The following MCM2 variants were observed in gnomAD, a reference collection of about 807,000 sequenced individuals.
MCM2 encodes minichromosome maintenance complex component 2.
MCM2 carries 49 observed loss-of-function variants against 86.4 expected under a neutral mutation model. The observed-to-expected ratio is 0.57, with a 90% confidence interval of 0.45 to 0.72. The LOEUF is 0.72. MCM2 is among the 30% of genes least tolerant of loss of function. The pLI is 0.00. For synonymous variants in MCM2, 475 were observed against 484.6 expected, an observed-to-expected ratio of 0.98 and a Z score of 0.26; for missense variants, 1,038 against 1,259.9, an observed-to-expected ratio of 0.82 and a Z score of 2.67.
At chr3:127,616,476 C>T (rs942530438) in intron 9 of MCM2, among the ~76,000 whole-genome samples, 3 of 152,108 alleles carry the variant, frequency 2.0e-5, no homozygotes, top group Admixed American at 6.5e-5. Context: ...TGTGCCTGTG[C>T]GCAGTGCATC....
In MCM2 at chr3:127,604,718, C is replaced by T. The variant is rs2074331617; in HGVS notation, c.347C>T (p.Ala116Val). 1 of 1,611,654 alleles carries T rather than the reference C, an allele frequency of 6.2e-7. No individual in the cohort carries two copies. Among genetic ancestry groups the T allele is most frequent in the South Asian group, 1.1e-5 (1 of 90,984 alleles). The change falls in exon 3 of 16, where the codon GCC (alanine) becomes GTC (valine). Residue 116 changes from alanine to valine, a missense_variant. Ala to Val is a moderately conservative substitution (Grantham distance 64). Around this residue, in one of 4 missense-constraint regions of MCM2, gnomAD observed 300 missense variants for 307.4 expected, o/e 0.98. Transcript: ENST00000265056. ...AGTCAGAGGGAGGCAGCAGAGCGGG[C>T]CATGCGGCAGCGTGACCGGGAGGCT... Reference protein sequence around the residue: ...TASQREAAERAMRQRDREAGR... With the variant: ...TASQREAAERVMRQRDREAGR...
chr3:127,598,840 C>T (rs1445777910), intron 1 of MCM2: 2 of 387,064 alleles, frequency 5.2e-6, no homozygotes, highest in Non-Finnish European at 9.2e-6. Context: ...AAACACTACA[C>T]TTACTTTTGT....
In MCM2 at chr3:127,599,442, G is replaced by T. The variant is rs572334760; in HGVS notation, c.131G>T (p.Arg44Leu). 1 of 1,614,190 alleles carries T rather than the reference G, an allele frequency of 6.2e-7. No homozygotes were observed. Among genetic ancestry groups the T allele is most frequent in the South Asian group, 1.1e-5 (1 of 91,086 alleles). Residue 44 changes from arginine (R) to leucine (L), a missense_variant, in exon 2 of 16, where the codon CGT (arginine) becomes CTT (leucine). Around this residue, in one of 4 missense-constraint regions of MCM2, gnomAD observed 300 missense variants for 307.4 expected, o/e 0.98. Transcript: ENST00000265056. ...RTDALTSSPG[R>L]DLPPFEDESE... ...GATGCCCTCACCTCCAGCCCTGGCC[G>T]TGACCTTCCACCATTTGAGGATGAG... is the stretch of plus-strand genomic sequence containing the variant.
intron 8 of MCM2, among the ~76,000 whole-genome samples, 174 bp downstream of exon 8, chr3:127,609,197 A>C (rs2074374607): frequency 6.6e-6 from 1 of 152,154 alleles, no homozygotes; most frequent in African/African-American, 2.4e-5. Context: ...GTAAACTCGC[A>C]TTGGGGATGG....
chr3:127,606,567 T>TCA lies in MCM2; in HGVS notation c.894-41_894-40dup. The TCA allele has an allele frequency of 6.4e-7, 1 of 1,563,968 alleles. No individual in the cohort carries two copies. The highest frequency in any genetic ancestry group is 8.8e-7 in the Non-Finnish European group (1 of 1,135,544). On this transcript the variant is annotated intron_variant, in intron 5 of 15. Coordinates refer to ENST00000265056, the MANE Select transcript of MCM2 (RefSeq NM_004526.4). This position sits in a 1 kb window ranked among gnomAD's most constrained non-coding sequence, Gnocchi z 4.2. ...GGACACTCTCGTCTGCAGCCTGGCC[T>TCA]CACCCTGGCTCACGGCTTCTGATGC...
In MCM2 at chr3:127,621,844, G is replaced by T; in HGVS notation, c.*71G>T. 8.6e-7 allele frequency: 1 copy of T among 1,163,340 alleles called. No individual in the cohort carries two copies. The allele number at this position is 1,163,340 out of a possible 1,614,324, so 72.1% of individuals were successfully genotyped here. A position where few individuals can be genotyped will look rare whatever the true frequency, so the allele number is the denominator to read the frequency against. On this transcript the variant is annotated 3_prime_UTR_variant, in exon 16 of 16. Transcript: ENST00000265056. The stretch of plus-strand genomic sequence containing the variant: ...TGGTCAGTGCCCTCTGTGCTTTATG[G>T]ACACAAAACCAGAGCACTTGATGAA...
chr3:127,608,526 C>T lies in MCM2; in HGVS notation c.1236+10C>T, dbSNP rs1432960367. 5.6e-6 allele frequency: 9 copies of T among 1,613,934 alleles called. No homozygotes were observed. The highest frequency in any genetic ancestry group is 1.1e-5 in the South Asian group (1 of 91,052). ...GCCAGGAGACGAGATAGTAAGTGGC[C>T]GGGGCAGGCTGGGAGGGAGCCAAGT... On this transcript the variant is annotated intron_variant, in intron 7 of 15. Transcript: ENST00000265056.
At position 127,608,664 on chromosome 3, in the gene MCM2, C is replaced by T. The variant is rs540460768; in HGVS notation, c.1236+148C>T. The T allele has an allele frequency of 3.1e-6, 4 of 1,278,432 alleles. No individual in the cohort carries two copies. The African/African-American group carries it at 5.9e-5, about 19-fold the overall frequency. 79.2% of individuals were successfully genotyped at this position (1,278,432 alleles called of 1,614,324 possible). A position where few individuals can be genotyped will look rare whatever the true frequency, so the allele number is the denominator to read the frequency against. On this transcript the variant is annotated intron_variant, in intron 7 of 15. Transcript: ENST00000265056. The stretch of plus-strand genomic sequence containing the variant: ...CATGGCTGAGGCAAAGAACTTTCTT[C>T]TGGTGGATGGGTTGTTGGAATGGTG...
At position 127,620,876 on chromosome 3, in the gene MCM2, G is replaced by T. The variant is rs779228557; in HGVS notation, c.2444G>T (p.Arg815Leu). Residue 815 changes from arginine (R) to leucine (L), a missense_variant, in exon 14 of 16, where the codon CGC (arginine) becomes CTC (leucine). By Grantham distance (102) the Arg-to-Leu change is moderately radical. Coordinates refer to ENST00000265056, the MANE Select transcript of MCM2 (RefSeq NM_004526.4). ...AAGTTCAGCGTCATGCGCAGCATGCGCAAGGTGGGTGTGCTCCGAGGTAGG... is the reference window on the plus strand; with the variant it reads ...AAGTTCAGCGTCATGCGCAGCATGCTCAAGGTGGGTGTGCTCCGAGGTAGG... ...TQKFSVMRSM[R>L]KTFARYLSFR... 6.2e-7 allele frequency: 1 copy of T among 1,603,144 alleles called. No individual in the cohort carries two copies. The highest frequency in any genetic ancestry group is 1.3e-5 in the African/African-American group (1 of 74,784).
Position 127,604,702 on chromosome 3 carries a change from G to A in MCM2, c.331G>A (p.Glu111Lys), listed in dbSNP as rs768147745. The A allele has an allele frequency of 6.2e-7, 1 of 1,612,426 alleles. No individual in the cohort carries two copies. Among genetic ancestry groups the A allele is most frequent in the East Asian group, 2.2e-5 (1 of 44,880 alleles). Reference protein sequence around the residue: ...DVEELTASQREAAERAMRQRD... With the variant: ...DVEELTASQRKAAERAMRQRD... ...AGAGGAGCTGACGGCCAGTCAGAGG[G>A]AGGCAGCAGAGCGGGCCATGCGGCA... Residue 111 changes from glutamate (E) to lysine (K), a missense_variant, in exon 3 of 16, where the codon GAG becomes AAG. Glu to Lys is a moderately conservative substitution (Grantham distance 56). Around this residue, in one of 4 missense-constraint regions of MCM2, gnomAD observed 300 missense variants for 307.4 expected, o/e 0.98. Coordinates refer to ENST00000265056, the MANE Select transcript of MCM2 (RefSeq NM_004526.4).
chr3:127,608,237 C>T (rs1172778154), intron 6 of MCM2, 145 bp from the exon 7 acceptor site: 6 of 978,382 alleles, frequency 6.1e-6, no homozygotes, highest in African/African-American at 1.6e-5. Context: ...TGTGCTGAGT[C>T]GCCATGAACT....
intron 3 of MCM2, 56 bp downstream of exon 3, chr3:127,604,839 A>G: frequency 6.4e-7 from 1 of 1,574,600 alleles, no homozygotes; most frequent in African/African-American, 1.3e-5. Context: ...GGAGTCTGGG[A>G]GGGGAGTAGA....
At chr3:127,602,262 C>T (rs370524610) in intron 2 of MCM2, among the ~76,000 whole-genome samples, 74 of 151,638 alleles carry the variant, frequency 4.9e-4, no homozygotes, top group African/African-American at 1.8e-3. Flanking sequence ...ACCTTTTCCC[C>T]GAAAACATGG....
rs1489427902 is a variant in MCM2, at chr3:127,611,816, A to G, written c.1428+2793A>G. Among the ~76,000 whole-genome samples, 10 of 136,842 alleles carry G rather than the reference A, an allele frequency of 7.3e-5. 1 individual carries two copies. The South Asian group carries it at 1.9e-3, about 26-fold the overall frequency. The allele number at this position is 136,842 out of a possible 152,430, so 89.8% of individuals were successfully genotyped here. Reference sequence around the variant, plus strand: ...CGGGTTCACGCCATTCTCCTGCCTCAGCCTCCCAAGTAGCTGGGACGACAG... The same window carrying G: ...CGGGTTCACGCCATTCTCCTGCCTCGGCCTCCCAAGTAGCTGGGACGACAG... On this transcript the variant is annotated intron_variant, in intron 8 of 15. Coordinates refer to ENST00000265056, the MANE Select transcript of MCM2 (RefSeq NM_004526.4).
intron 2 of MCM2, among the ~76,000 whole-genome samples, chr3:127,600,109 G>A (rs554443626): frequency 2.6e-5 from 4 of 152,248 alleles, no homozygotes; most frequent in East Asian, 1.9e-4. Flanking sequence ...GTGAAACCCC[G>A]TCTCTGCTAA....
In MCM2 at chr3:127,616,940, T is replaced by C. The variant is rs1388706641; in HGVS notation, c.1595T>C (p.Phe532Ser). 1 of 1,614,054 alleles carries C rather than the reference T, an allele frequency of 6.2e-7. No homozygotes were observed. Among genetic ancestry groups the C allele is most frequent in the African/African-American group, 1.3e-5 (1 of 74,942 alleles). Residue 532 changes from phenylalanine to serine, a missense_variant, in exon 10 of 16, where the codon TTT (phenylalanine) becomes TCT (serine). By Grantham distance (155) the Phe-to-Ser change is radical. Coordinates refer to ENST00000265056, the MANE Select transcript of MCM2 (RefSeq NM_004526.4). The part of the protein sequence containing the change: ...CGDPGTAKSQ[F>S]LKYIEKVSSR... The stretch of plus-strand genomic sequence containing the variant: ...GACCCTGGCACAGCGAAGTCGCAGT[T>C]TCTCAAGTATATTGAGAAAGTGTCC...
chr3:127,622,362 TC>T lies in MCM2; in HGVS notation c.*593del, dbSNP rs921510095. On this transcript the variant is annotated 3_prime_UTR_variant, in exon 16 of 16. Transcript: ENST00000265056. Reference sequence around the variant, plus strand: ...CAGCTGCCATTGCTCCCTGTCTGTTTCCCCACTCTCTTATTTGTGCATTCGG... The same window carrying T: ...CAGCTGCCATTGCTCCCTGTCTGTTTCCCACTCTCTTATTTGTGCATTCGG... 6.6e-6 allele frequency: 1 copy of T among 152,262 alleles called. No individual in the cohort carries two copies. Among genetic ancestry groups the T allele is most frequent in the African/African-American group, 2.4e-5 (1 of 41,454 alleles). 9.4% of individuals were successfully genotyped at this position (152,262 alleles called of 1,614,324 possible).
At position 127,605,149 on chromosome 3, in the gene MCM2, G is replaced by T; in HGVS notation, c.666G>T (p.Met222Ile). 1 of 1,612,568 alleles carries T rather than the reference G, an allele frequency of 6.2e-7. No homozygotes were observed. The highest frequency in any genetic ancestry group is 8.5e-7 in the Non-Finnish European group (1 of 1,178,644). The stretch of plus-strand genomic sequence containing the variant: ...TCTTCAAGGAGCGCATCAGCGACAT[G>T]TGCAAAGGTGTGGCTTCCCTACGCC... ...HNVFKERISD[M>I]CKENRESLVV... is the part of the protein sequence containing the mutation. The change falls in exon 4 of 16, where the codon ATG becomes ATT. Residue 222 changes from methionine (M) to isoleucine (I), a missense_variant. Met to Ile is a conservative substitution (Grantham distance 10). This residue lies in a region of MCM2 where 399 missense variants were observed against 507.2 expected (regional missense o/e 0.79). Coordinates refer to ENST00000265056, the MANE Select transcript of MCM2 (RefSeq NM_004526.4).
intron 8 of MCM2, among the ~76,000 whole-genome samples, chr3:127,611,587 A>G (rs1324008052): frequency 6.7e-6 from 1 of 149,624 alleles, no homozygotes; most frequent in Non-Finnish European, 1.5e-5. Flanking sequence ...ATTTGTGTCT[A>G]CATAGAGCAC....
Sources: gnomAD v4.1 joint callset for allele counts (sites outside exome capture counted in the v4.1 genomes callset) on GRCh38, gnomAD v4.1.1 for gene constraint, gnomAD v4.1.1 regional missense constraint, Gnocchi (gnomAD v3.1) non-coding constraint, MANE v1.5 for transcripts, NCBI Gene and HGNC (gene_info 2026-07-23, HGNC 2026-07-21) for gene names.